CSMD1: variants seen among roughly 807,000 people sequenced by gnomAD.
CSMD1 encodes the protein CUB and Sushi multiple domains 1.
A neutral mutation model predicts 417.5 loss-of-function variants in CSMD1; 213 were observed. The ratio of observed to expected loss-of-function variants is 0.51; its 90% CI spans 0.46 to 0.57. The LOEUF is 0.57. Ranked by LOEUF, CSMD1 falls within the 20% of genes least tolerant of loss-of-function variation. CSMD1 has a pLI of 0.00. For missense variants in CSMD1, 6,923 were observed against 4,529.7 expected, an observed-to-expected ratio of 1.53 and a Z score of -15.17; for synonymous variants, 2,862 against 1,736.8, an observed-to-expected ratio of 1.65 and a Z score of -16.11.
chr8:3,807,313 A>C (rs1016226905), intron 5 of CSMD1, among the ~76,000 whole-genome samples: 3 of 152,162 alleles, frequency 2.0e-5, no homozygotes, highest in Admixed American at 6.6e-5. Flanking sequence ...AAAATACAGT[A>C]TCTGGTTTTG....
intron 7 of CSMD1, among the ~76,000 whole-genome samples, chr8:3,665,643 T>C (rs142354570): frequency 2.1e-3 from 324 of 152,310 alleles, no homozygotes; most frequent in African/African-American, 7.5e-3. Context: ...GAGAGAAATA[T>C]TGAAAAATTC....
chr8:3,944,431 T>A (rs1811089345), intron 5 of CSMD1, among the ~76,000 whole-genome samples: 1 of 152,182 alleles, frequency 6.6e-6, no homozygotes, highest in South Asian at 2.1e-4. Context: ...CATATTCAAC[T>A]GATAAAATAA....
chr8:3,696,595 G>A (rs565919151), intron 7 of CSMD1, among the ~76,000 whole-genome samples: 155 of 152,136 alleles, frequency 1.0e-3, no homozygotes, highest in East Asian at 9.3e-3. Flanking sequence ...GGCAGATCAG[G>A]AAAAAAATGA....
intron 12 of CSMD1, among the ~76,000 whole-genome samples, chr8:3,421,556 GATA>G (rs1289638915): frequency 6.6e-6 from 1 of 152,174 alleles, no homozygotes; most frequent in Non-Finnish European, 1.5e-5. Context: ...GCCAATTCAA[GATA>G]ATATTTAGCC....
intron 36 of CSMD1, among the ~76,000 whole-genome samples, chr8:3,185,424 GT>G (rs1821686921): frequency 1.3e-5 from 2 of 152,220 alleles, no homozygotes. Flanking sequence ...TCATGCAGCT[GT>G]CTTAATTTTG....
chr8:4,345,568 G>T (rs543403576), intron 3 of CSMD1, among the ~76,000 whole-genome samples: 113 of 152,062 alleles, frequency 7.4e-4, no homozygotes, highest in Non-Finnish European at 1.5e-3. Context: ...ATCGGACAAA[G>T]CACTAATATC....
At chr8:4,307,020 G>A (rs752118431) in intron 3 of CSMD1, among the ~76,000 whole-genome samples, 6 of 151,866 alleles carry the variant, frequency 4.0e-5, no homozygotes, top group Admixed American at 2.6e-4. Flanking sequence ...CCTCTTCGTC[G>A]CCTGCACCAT....
intron 1 of CSMD1, among the ~76,000 whole-genome samples, chr8:4,768,568 G>C (rs1164654466): frequency 6.6e-6 from 1 of 152,122 alleles, no homozygotes; most frequent in East Asian, 1.9e-4. Flanking sequence ...AAATGCTTTG[G>C]ATTGCACGAG....
intron 5 of CSMD1, among the ~76,000 whole-genome samples, chr8:3,798,212 G>A (rs910240602): frequency 6.6e-6 from 1 of 151,968 alleles, no homozygotes; most frequent in African/African-American, 2.4e-5. Context: ...GTTCATTTCT[G>A]TATGAAATGA....
chr8:4,950,889 C>A (rs1247129841), intron 1 of CSMD1, among the ~76,000 whole-genome samples: 3 of 151,880 alleles, frequency 2.0e-5, no homozygotes, highest in Non-Finnish European at 2.9e-5. Flanking sequence ...ACCAGGGTGG[C>A]AAACAAATGT....
chr8:4,001,869 G>GA (rs1271233779), intron 4 of CSMD1, among the ~76,000 whole-genome samples: 1 of 150,044 alleles, frequency 6.7e-6, no homozygotes, highest in African/African-American at 2.5e-5. Flanking sequence ...ATAAAATGAA[G>GA]AAAAAAACAA....
chr8:3,701,723 C>T (rs575586882), intron 7 of CSMD1, among the ~76,000 whole-genome samples: 89 of 152,130 alleles, frequency 5.9e-4, no homozygotes, highest in Non-Finnish European at 1.1e-3. Flanking sequence ...ACAATCCAAA[C>T]ACTCTACAGT....
chr8:2,953,199 T>C (rs1325015341), intron 65 of CSMD1, among the ~76,000 whole-genome samples: 1 of 152,166 alleles, frequency 6.6e-6, no homozygotes, highest in Non-Finnish European at 1.5e-5. Context: ...CTGACTTCTG[T>C]ATGTGATTTT....
chr8:4,142,281 G>A (rs1563178915), intron 3 of CSMD1, among the ~76,000 whole-genome samples: 1 of 151,032 alleles, frequency 6.6e-6, no homozygotes, highest in Non-Finnish European at 1.5e-5. Flanking sequence ...TTGGTATAAG[G>A]TAATGTTTCA....
intron 5 of CSMD1, among the ~76,000 whole-genome samples, chr8:3,755,048 G>A (rs985373419): frequency 2.0e-5 from 3 of 152,210 alleles, no homozygotes; most frequent in Admixed American, 2.0e-4. Flanking sequence ...GTGCAGTTTA[G>A]TTGTCAGAAA....
rs1261724521 is a variant in CSMD1, at chr8:4,311,752, A to T, written c.415+108201T>A. On this transcript the variant is annotated intron_variant, in intron 3 of 69. Coordinates refer to ENST00000635120, the MANE Select transcript of CSMD1 (RefSeq NM_033225.6). Reference sequence around the variant, plus strand: ...AAAAAAAAAAAAAAGTAGAATCTAAATTATGAGAGTTCATAGAGGGGAACA... The same window carrying T: ...AAAAAAAAAAAAAAGTAGAATCTAATTTATGAGAGTTCATAGAGGGGAACA... 4.7e-5 allele frequency among the ~76,000 whole-genome samples: 7 copies of T among 150,188 alleles called. No individual in the cohort carries two copies. In the East Asian group the frequency reaches 1.4e-3, roughly 30 times the overall value.
chr8:3,277,473 C>G (rs367847724), intron 26 of CSMD1, among the ~76,000 whole-genome samples: 1 of 152,138 alleles, frequency 6.6e-6, no homozygotes, highest in East Asian at 1.9e-4. Flanking sequence ...GATTTTGGAT[C>G]TATTTTGAAT....
chr8:3,985,194 G>T (rs2627435), intron 5 of CSMD1, among the ~76,000 whole-genome samples: 29 of 151,968 alleles, frequency 1.9e-4, no homozygotes, highest in Admixed American at 1.2e-3. Context: ...ACAGTTTGTG[G>T]TAAACTAGAA....
intron 25 of CSMD1, among the ~76,000 whole-genome samples, chr8:3,294,708 C>T (rs1413581388): frequency 2.6e-5 from 4 of 152,152 alleles, no homozygotes; most frequent in South Asian, 4.1e-4. Context: ...CCCGATTTTC[C>T]AGGTGCCATC....
Sources: gnomAD v4.1 joint callset for allele counts (sites outside exome capture counted in the v4.1 genomes callset) on GRCh38, gnomAD v4.1.1 for gene constraint, MANE v1.5 for transcripts, NCBI Gene and HGNC (gene_info 2026-07-23, HGNC 2026-07-21) for gene names.